The following CKM variants were observed in gnomAD, a reference collection of about 807,000 sequenced individuals.
CKM encodes the protein creatine kinase, M-type, also known as creatine kinase M-type.
CKM carries 28 observed loss-of-function variants against 35.4 expected under a neutral mutation model. The observed-to-expected ratio is 0.79, with a 90% CI of 0.59 to 1.08. The LOEUF (loss-of-function observed/expected upper bound fraction) is 1.08. Ranked by LOEUF, CKM falls within the 50% of genes least tolerant of loss-of-function variation. The pLI is 0.00. For missense variants in CKM, 484 were observed against 509.8 expected, an observed-to-expected ratio of 0.95 and a Z score of 0.49; for synonymous variants, 215 against 204.4, an observed-to-expected ratio of 1.05 and a Z score of -0.44.
intron 4 of CKM, among the ~76,000 whole-genome samples, chr19:45,315,081 T>C (rs1484138871): frequency 6.6e-6 from 1 of 152,162 alleles, no homozygotes; most frequent in Non-Finnish European, 1.5e-5. Flanking sequence ...ACTTTTGAAT[T>C]ATCTTGTTCA....
chr19:45,316,983 C>A (rs772903711), intron 3 of CKM, among the ~76,000 whole-genome samples: 11 of 152,126 alleles, frequency 7.2e-5, no homozygotes, highest in Non-Finnish European at 1.3e-4. Flanking sequence ...CTGTGCCCGG[C>A]TATGCCTCTT....
intron 2 of CKM, 68 bp downstream of exon 2, chr19:45,319,453 T>G: frequency 7.8e-6 from 10 of 1,275,344 alleles, no homozygotes; most frequent in Non-Finnish European, 1.1e-5. Flanking sequence ...GGTGGTGGGA[T>G]TGGGGCATGG....
chr19:45,317,457 C>A (rs1246991518), intron 3 of CKM, among the ~76,000 whole-genome samples: 1 of 151,740 alleles, frequency 6.6e-6, no homozygotes, highest in Non-Finnish European at 1.5e-5. Context: ...CCAGCTAATT[C>A]TGTATTTTTA....
chr19:45,319,795 C>T (rs1599820673), intron 1 of CKM, 64 bp from the exon 2 acceptor site: 29 of 1,048,404 alleles, frequency 2.8e-5, no homozygotes, highest in Admixed American at 9.3e-5. Flanking sequence ...TCTTCTTCTT[C>T]TTTTTTTTTT....
chr19:45,319,877 A>G (rs538707941), intron 1 of CKM, 146 bp from the exon 2 acceptor site: 200 of 636,384 alleles, frequency 3.1e-4, no homozygotes, highest in Middle Eastern at 1.4e-3. Context: ...TGCAAGCTCC[A>G]CCTCCTGGGT....
At chr19:45,308,631 G>C in intron 5 of CKM, 99 bp from the exon 6 acceptor site, 1 of 1,519,026 alleles carries the variant, frequency 6.6e-7, no homozygotes, top group East Asian at 2.3e-5. Context: ...TGGGGGAAGA[G>C]GGCCTGAGGG....
At chr19:45,319,093 G>C (rs546260573) in intron 2 of CKM, among the ~76,000 whole-genome samples, 25 of 152,120 alleles carry the variant, frequency 1.6e-4, no homozygotes, top group Non-Finnish European at 2.5e-4. Context: ...CTGGCCTCAA[G>C]TGATCCTCCC....
In CKM at chr19:45,306,478, G is replaced by T. The variant is rs1467901044; in HGVS notation, c.*272C>A. 3.8e-6 allele frequency: 2 copies of T among 531,182 alleles called. No individual in the cohort carries two copies. Among genetic ancestry groups the T allele is most frequent in the African/African-American group, 3.8e-5 (2 of 52,434 alleles). The allele number at this position is 531,182 out of a possible 1,614,324, so 32.9% of individuals were successfully genotyped here. Reference sequence around the variant, plus strand: ...CAAAGCACAAGCTCCGAGTGTGCTGGGAGCTCTCCATTAACTAGAGCTCCT... The same window carrying T: ...CAAAGCACAAGCTCCGAGTGTGCTGTGAGCTCTCCATTAACTAGAGCTCCT... On this transcript the variant is annotated 3_prime_UTR_variant, in exon 8 of 8. Transcript: ENST00000221476. The surrounding 1 kb of genome is among the most constrained non-coding windows in gnomAD (Gnocchi z 4.5).
chr19:45,306,695 G>A lies in CKM; in HGVS notation c.*55C>T. ...GGAGTGAGGGAGCAGGACTCTGGTG[G>A]GCCAGGCCCTCCCACTGGCTGGGTT... On this transcript the variant is annotated 3_prime_UTR_variant, in exon 8 of 8. Coordinates refer to ENST00000221476, the MANE Select transcript of CKM (RefSeq NM_001824.5). This position sits in a 1 kb window ranked among gnomAD's most constrained non-coding sequence, Gnocchi z 4.5. The A allele has an allele frequency of 1.3e-6, 2 of 1,591,264 alleles. No individual in the cohort carries two copies.
Position 45,315,553 on chromosome 19 carries a change from G to T in CKM, c.393C>A (p.Val131=). ...AGCCCTTGATGCTGCGGCCAGTGCG[G>T]ACGCGGCTGCTGAGCACGTAGTTAG... ...LDPNYVLSSR[V]RTGRSIKGYT... The change falls in exon 4 of 8, where the codon GTC becomes GTA. Residue 131 remains valine (V), a synonymous_variant. Coordinates refer to ENST00000221476, the MANE Select transcript of CKM (RefSeq NM_001824.5). The T allele has an allele frequency of 6.2e-7, 1 of 1,603,590 alleles. No individual in the cohort carries two copies.
At chr19:45,314,440 G>A (rs1307343097) in intron 4 of CKM, among the ~76,000 whole-genome samples, 2 of 151,658 alleles carry the variant, frequency 1.3e-5, no homozygotes, top group East Asian at 1.9e-4. Context: ...TTGAGATGGA[G>A]TCACACTCTG....
chr19:45,307,389 A>G, intron 7 of CKM, 72 bp downstream of exon 7: 1 of 1,435,822 alleles, frequency 7.0e-7, no homozygotes, highest in Non-Finnish European at 9.7e-7. Flanking sequence ...GGGATGTCGC[A>G]CCTCTCCTTG....
rs111806605 is a variant in CKM, at chr19:45,311,923, A to G, written c.482-3T>C. The G allele has an allele frequency of 1.2e-6, 2 of 1,613,680 alleles. No homozygotes were observed. The highest frequency in any genetic ancestry group is 1.7e-6 in the Non-Finnish European group (2 of 1,179,910). On this transcript the variant is annotated splice_region_variant and splice_polypyrimidine_tract_variant and intron_variant, in intron 4 of 7. Transcript: ENST00000221476. ...CTCGCCCGTCAGGCTGTTGAGAGCT[A>G]TGGGGACACACGAGGGAGTGGTCAG...
At chr19:45,308,244 G>A (rs1425307602) in intron 6 of CKM, among the ~76,000 whole-genome samples, 165 bp downstream of exon 6, 1 of 66,662 alleles carries the variant, frequency 1.5e-5, no homozygotes, top group African/African-American at 5.5e-5. Context: ...GGTGGGGCTA[G>A]TTTTGGGGGG....
At chr19:45,320,603 C>G (rs369640565) in intron 1 of CKM, among the ~76,000 whole-genome samples, 4 of 152,162 alleles carry the variant, frequency 2.6e-5, no homozygotes, top group African/African-American at 9.7e-5. Flanking sequence ...ACTCAATTTC[C>G]CCAGGTGGAA....
rs1971053727 is a variant in CKM at position 45,306,624 on chromosome 19, G to A, written c.*126C>T. The A allele has an allele frequency of 3.1e-6, 3 of 956,434 alleles. No individual in the cohort carries two copies. The highest frequency in any genetic ancestry group is 4.9e-6 in the Non-Finnish European group (3 of 606,474). The allele number at this position is 956,434 out of a possible 1,614,324, so 59.2% of individuals were successfully genotyped here. ...GGTTGAAACTGGAACTCTGAGAAGG[G>A]TGGAGAGAGCCCCCAGGTGGGACTC... is the stretch of plus-strand genomic sequence containing the variant. On this transcript the variant is annotated 3_prime_UTR_variant, in exon 8 of 8. Transcript: ENST00000221476. This position sits in a 1 kb window ranked among gnomAD's most constrained non-coding sequence, Gnocchi z 4.5.
rs1971225672 is a variant in CKM at position 45,322,828 on chromosome 19, G to T, written c.-26C>A. 1.0e-6 allele frequency: 1 copy of T among 986,032 alleles called. No individual in the cohort carries two copies. The highest frequency in any genetic ancestry group is 4.7e-5 in the South Asian group (1 of 21,298). 61.1% of individuals were successfully genotyped at this position (986,032 alleles called of 1,614,324 possible). A position where few individuals can be genotyped will look rare whatever the true frequency, so the allele number is the denominator to read the frequency against. On this transcript the variant is annotated 5_prime_UTR_variant, in exon 1 of 8. Transcript: ENST00000221476. ...TCCCGCCCCGTGCAGTACCTGGCTG[G>T]GCTGGGCTGAAGGGGGGCTGTCTGT... is the stretch of plus-strand genomic sequence containing the variant.
chr19:45,311,757 A>G lies in CKM; in HGVS notation c.645T>C (p.Arg215=). ...GCGGGGAGGGGCCTCACCAGATGCCACGGGCGTCGGGCCAGTCGCGGGCCA... is the reference window on the plus strand; with the variant it reads ...GCGGGGAGGGGCCTCACCAGATGCCGCGGGCGTCGGGCCAGTCGCGGGCCA... ...SGMARDWPDA[R]GIWHNDNKSF... Residue 215 remains arginine, a synonymous_variant, in exon 5 of 8, where the codon CGT becomes CGC. Coordinates refer to ENST00000221476, the MANE Select transcript of CKM (RefSeq NM_001824.5). The G allele has an allele frequency of 6.3e-7, 1 of 1,583,088 alleles. No individual in the cohort carries two copies. The highest frequency in any genetic ancestry group is 8.6e-7 in the Non-Finnish European group (1 of 1,165,684).
intron 3 of CKM, among the ~76,000 whole-genome samples, chr19:45,317,276 T>G (rs945757000): frequency 2.0e-5 from 3 of 151,154 alleles, no homozygotes; most frequent in East Asian, 3.9e-4. Context: ...CCCAGCTAAT[T>G]TATTTTATTT....
Sources: gnomAD v4.1 joint callset for allele counts (sites outside exome capture counted in the v4.1 genomes callset) on GRCh38, gnomAD v4.1.1 for gene constraint, Gnocchi (gnomAD v3.1) non-coding constraint, MANE v1.5 for transcripts, NCBI Gene and HGNC (gene_info 2026-07-23, HGNC 2026-07-21) for gene names.